BAIAP3: variants seen among roughly 807,000 people sequenced by gnomAD.
The protein encoded by BAIAP3 is BAI1 associated protein 3.
BAIAP3 carries 180 observed loss-of-function variants against 149.7 expected under a neutral mutation model. That is an observed-to-expected ratio of 1.20 (90% confidence interval 1.07 to 1.36). The LOEUF (loss-of-function observed/expected upper bound fraction) is 1.36, where lower values mean the gene tolerates loss of function less well. Among genes scored for constraint, BAIAP3 ranks in the 40% most tolerant of loss-of-function variants. BAIAP3 has a pLI of 0.00. For missense variants in BAIAP3, 1,767 were observed against 1,563.4 expected (o/e 1.13, Z -2.20); for synonymous variants, 845 against 670.7 (o/e 1.26, Z -4.02).
In BAIAP3 at chr16:1,346,515, G is replaced by C; in HGVS notation, c.2562+5G>C. 1.9e-6 allele frequency: 3 copies of C among 1,608,840 alleles called. No individual in the cohort carries two copies. The highest frequency in any genetic ancestry group is 2.5e-6 in the Non-Finnish European group (3 of 1,178,066). On this transcript the variant is annotated splice_donor_5th_base_variant and intron_variant, in intron 26 of 33. Coordinates refer to ENST00000426824, the MANE Select transcript of BAIAP3 (RefSeq NM_001199097.2). ...GACTCCATCCAGAACGATGAGGTGA[G>C]TGCCGGGGCGAGGGGCCGTGGAGGA...
rs2033937184 is a variant in BAIAP3 at position 1,341,689 on chromosome 16, G to A, written c.732-133G>A. The A allele has an allele frequency of 6.6e-6, 8 of 1,213,102 alleles. No homozygotes were observed. The Admixed American group carries it at 1.8e-4, about 27-fold the overall frequency. The allele number at this position is 1,213,102 out of a possible 1,614,324, so 75.1% of individuals were successfully genotyped here. On this transcript the variant is annotated intron_variant, in intron 8 of 33. Coordinates refer to ENST00000426824, the MANE Select transcript of BAIAP3 (RefSeq NM_001199097.2). ...CGGCTGGCAACACCTGGCGGGATCAGGATTTGGACCTGAACAGCCTGTCTG... is the reference window on the plus strand; with the variant it reads ...CGGCTGGCAACACCTGGCGGGATCAAGATTTGGACCTGAACAGCCTGTCTG...
rs1164129900 is a variant in BAIAP3, at chr16:1,348,267, T to C, written c.3321T>C (p.Pro1107=). Residue 1107 remains proline, a synonymous_variant, in exon 33 of 34, where the codon CCT becomes CCC. Transcript: ENST00000426824. ...GCGGGGGTGCAAGGGCTGGGCAGCC[T>C]GTCACCCTGCACCTGTGCCGGCCCA... ...QVGGGARAGQ[P]VTLHLCRPRA... 1.2e-6 allele frequency: 2 copies of C among 1,601,894 alleles called. No homozygotes were observed. Among genetic ancestry groups the C allele is most frequent in the Non-Finnish European group, 1.7e-6 (2 of 1,175,760 alleles).
At chr16:1,347,229 T>TG in intron 28 of BAIAP3, 69 bp from the exon 29 acceptor site, 1 of 1,491,976 alleles carries the variant, frequency 6.7e-7, no homozygotes, top group Non-Finnish European at 9.2e-7. Context: ...CCCTTTGTGC[T>TG]GGGGGTCTCT....
intron 1 of BAIAP3, among the ~76,000 whole-genome samples, chr16:1,335,237 A>G (rs2033380199): frequency 6.6e-6 from 1 of 152,188 alleles, no homozygotes; most frequent in South Asian, 2.1e-4. Flanking sequence ...GGCCTGGGGG[A>G]CAGCCAGGGA....
Position 1,342,064 on chromosome 16 carries a change from G to T in BAIAP3, c.854+1G>T, listed in dbSNP as rs1205538518. ...TCATCGGCCTGAAGGGCATGGGCAG[G>T]TATGACTGCTGGGACCTTTCTACCC... On this transcript the variant is annotated splice_donor_variant, in intron 10 of 33. Coordinates refer to ENST00000426824, the MANE Select transcript of BAIAP3 (RefSeq NM_001199097.2). LOFTEE classifies it high-confidence loss of function. 6.2e-7 allele frequency: 1 copy of T among 1,601,608 alleles called. No individual in the cohort carries two copies. The highest frequency in any genetic ancestry group is 1.7e-5 in the Admixed American group (1 of 58,712).
chr16:1,343,056 G>C (rs767053864), intron 14 of BAIAP3, 40 bp downstream of exon 14: 1 of 1,571,276 alleles, frequency 6.4e-7, no homozygotes, highest in South Asian at 1.1e-5. Flanking sequence ...GAATGTGGGC[G>C]GGCGTGAGCG....
rs1269908298 is a variant in BAIAP3, at chr16:1,347,278, G to A, written c.2752-20G>A. The A allele has an allele frequency of 5.0e-6, 8 of 1,611,162 alleles. No homozygotes were observed. The highest frequency in any genetic ancestry group is 6.8e-6 in the Non-Finnish European group (8 of 1,179,166). ...ACAAGCCAGGCTCCCTGACACCTCT[G>A]CCTTCTTTCCCTGCCCCAGGCCCTG... On this transcript the variant is annotated intron_variant, in intron 28 of 33. Transcript: ENST00000426824.
At chr16:1,343,616 G>C (rs2034090581) in intron 15 of BAIAP3, 103 bp downstream of exon 15, 1 of 1,489,256 alleles carries the variant, frequency 6.7e-7, no homozygotes, top group East Asian at 2.4e-5. Context: ...GCCCGCGTGG[G>C]GGTCAAAGAC....
rs776853318 is a variant in BAIAP3 at position 1,346,571 on chromosome 16, G to A, written c.2563-34G>A. ...TGTACTGGGGGTAGGGCAGAGGTGC[G>A]GGGTAAGCCTGGCCTGACCACCCCT... On this transcript the variant is annotated intron_variant, in intron 26 of 33. Coordinates refer to ENST00000426824, the MANE Select transcript of BAIAP3 (RefSeq NM_001199097.2). 2.2e-5 allele frequency: 35 copies of A among 1,569,910 alleles called. No homozygotes were observed. The East Asian group carries it at 6.4e-4, about 29-fold the overall frequency.
At chr16:1,341,893 G>A (rs771633505) in intron 9 of BAIAP3, 27 bp downstream of exon 9, 12 of 1,605,730 alleles carry the variant, frequency 7.5e-6, no homozygotes, top group Admixed American at 5.1e-5. Flanking sequence ...CATGCAGGGC[G>A]GCGGGGATGC....
At position 1,345,789 on chromosome 16, in the gene BAIAP3, G is replaced by A. The variant is rs372396000; in HGVS notation, c.2107G>A (p.Ala703Thr). ...DASSRHSSSA[A>T]TAGLCLSHIQ... ...CTCCTCCAGGCACAGCAGCTCCGCA[G>A]CCACTGCTGGTCTCTGCCTCAGCCA... Residue 703 changes from alanine to threonine, a missense_variant, in exon 23 of 34, where the codon GCC (alanine) becomes ACC (threonine). Coordinates refer to ENST00000426824, the MANE Select transcript of BAIAP3 (RefSeq NM_001199097.2). The A allele has an allele frequency of 1.3e-4, 207 of 1,568,426 alleles. 1 individual carries two copies. Among genetic ancestry groups the A allele is most frequent in the Non-Finnish European group, 1.6e-4 (181 of 1,162,482 alleles).
At position 1,344,260 on chromosome 16, in the gene BAIAP3, CTT is replaced by C; in HGVS notation, c.1547_1548del (p.Phe516Ter). 6.2e-7 allele frequency: 1 copy of C among 1,613,756 alleles called. No homozygotes were observed. Among genetic ancestry groups the C allele is most frequent in the Non-Finnish European group, 8.5e-7 (1 of 1,179,946 alleles). On this transcript the variant is annotated frameshift_variant, in exon 17 of 34. Transcript: ENST00000426824. LOFTEE classifies it high-confidence loss of function. ...LGKLQLFQPS[F>X]EICPFESELN... ...GCAAGCTGCAGCTCTTCCAACCCTCCTTTGAGATCTGCCCCTTCGAGTCGGAG... is the reference window on the plus strand; with the variant it reads ...GCAAGCTGCAGCTCTTCCAACCCTCCTGAGATCTGCCCCTTCGAGTCGGAG...
At chr16:1,344,396 GCAC>G (rs1456088902) in intron 17 of BAIAP3, 70 bp from the exon 18 acceptor site, 1 of 1,609,908 alleles carries the variant, frequency 6.2e-7, no homozygotes, top group Non-Finnish European at 8.5e-7. Flanking sequence ...CTGCACCTCT[GCAC>G]CACGGTCTCT....
intron 22 of BAIAP3, 94 bp downstream of exon 22, chr16:1,345,466 AGCCTCCTCC>A: frequency 3.2e-5 from 32 of 1,010,460 alleles, no homozygotes; most frequent in Non-Finnish European, 3.7e-5. Context: ...AGCAACCCCC[AGCCTCCTCC>A]GCCTCCCCAG....
chr16:1,338,430 A>C, intron 1 of BAIAP3, 110 bp from the exon 2 acceptor site: 1 of 923,504 alleles, frequency 1.1e-6, no homozygotes. Flanking sequence ...GTGAGCTCCC[A>C]GGCCTCTGCC....
Position 1,349,385 on chromosome 16 carries a change from GTC to G in BAIAP3, c.*907_*908del. The G allele has an allele frequency of 1.2e-6, 2 of 1,605,630 alleles. No homozygotes were observed. Among genetic ancestry groups the G allele is most frequent in the South Asian group, 2.2e-5 (2 of 90,700 alleles). ...TGCCAGGCCCATTTATGTCCCTCAT[GTC>G]TCTAGATTTTCTCGTCACCCAGCCT... On this transcript the variant is annotated 3_prime_UTR_variant, in exon 34 of 34. Coordinates refer to ENST00000426824, the MANE Select transcript of BAIAP3 (RefSeq NM_001199097.2).
In BAIAP3 at chr16:1,341,376, C is replaced by T. The variant is rs377450493; in HGVS notation, c.618C>T (p.Arg206=). The T allele has an allele frequency of 1.2e-6, 2 of 1,612,466 alleles. No individual in the cohort carries two copies. Among genetic ancestry groups the T allele is most frequent in the Non-Finnish European group, 1.7e-6 (2 of 1,179,912 alleles). ...AGCCCCGTGCACAGAAGGAGCAGCG[C>T]TTCGGCTTCCGCAAGGGCAGCAAGC... is the stretch of plus-strand genomic sequence containing the variant. The part of the protein sequence containing the change: ...TREPRAQKEQ[R]FGFRKGSKRG... Residue 206 remains arginine, a synonymous_variant, in exon 8 of 34, where the codon CGC becomes CGT. Transcript: ENST00000426824.
rs751939248 is a variant in BAIAP3 at position 1,338,690 on chromosome 16, G to C, written c.131+10G>C. ...CTGCCACGGGGGCCTGGTGGGTGCC[G>C]AGGGGCCCAGCCCCACACGCCCACA... On this transcript the variant is annotated intron_variant, in intron 2 of 33. Coordinates refer to ENST00000426824, the MANE Select transcript of BAIAP3 (RefSeq NM_001199097.2). The C allele has an allele frequency of 4.5e-6, 7 of 1,570,616 alleles. No individual in the cohort carries two copies. The South Asian group carries it at 5.7e-5, about 13-fold the overall frequency.
Position 1,342,594 on chromosome 16 carries a change from A to G in BAIAP3, c.1025A>G (p.Gln342Arg). 4 of 1,568,904 alleles carry G rather than the reference A, an allele frequency of 2.5e-6. No individual in the cohort carries two copies. Among genetic ancestry groups the G allele is most frequent in the Non-Finnish European group, 3.5e-6 (4 of 1,157,700 alleles). ...CCACGCTCCAGTGCCTCGCGTGTGC[A>G]GGGACACTGCCACCTGGTTCTCAAG... The part of the protein sequence containing the change: ...LEPRSSASRV[Q>R]GHCHLVLKLI... Residue 342 changes from glutamine to arginine, a missense_variant, in exon 12 of 34, where the codon CAG (glutamine) becomes CGG (arginine). Transcript: ENST00000426824.
Sources: gnomAD v4.1 joint callset for allele counts (sites outside exome capture counted in the v4.1 genomes callset) on GRCh38, gnomAD v4.1.1 for gene constraint, MANE v1.5 for transcripts, NCBI Gene and HGNC (gene_info 2026-07-23, HGNC 2026-07-21) for gene names.